MCM9: variants seen among roughly 807,000 people sequenced by gnomAD.
MCM9 encodes the protein minichromosome maintenance 9 homologous recombination repair factor, also known as DNA helicase MCM9.
A neutral mutation model predicts 72.8 loss-of-function variants in MCM9; 55 were observed. The ratio of observed to expected loss-of-function variants is 0.76; its 90% CI spans 0.61 to 0.95. The LOEUF (loss-of-function observed/expected upper bound fraction) is 0.95, where lower values mean the gene tolerates loss of function less well. Ranked by LOEUF, MCM9 falls within the 40% of genes least tolerant of loss-of-function variation. MCM9 has a pLI of 0.00. For synonymous variants in MCM9, 480 were observed against 503.4 expected (o/e 0.95, Z 0.62); for missense variants, 1,279 against 1,377.0 (o/e 0.93, Z 1.13).
intron 9 of MCM9, among the ~76,000 whole-genome samples, chr6:118,830,729 C>T (rs945301160): frequency 6.6e-5 from 10 of 152,134 alleles, no homozygotes; most frequent in Non-Finnish European, 7.3e-5. Context: ...ATTTTTAATG[C>T]TAGGTCAAAT....
At chr6:118,911,506 C>T in intron 8 of MCM9, 144 bp downstream of exon 8, 3 of 1,355,290 alleles carry the variant, frequency 2.2e-6, no homozygotes, top group East Asian at 5.4e-5. Flanking sequence ...ACCAAAATAA[C>T]ATTGCATATT....
intron 11 of MCM9, 88 bp downstream of exon 11, chr6:118,827,833 TATTCTC>T: frequency 8.3e-7 from 1 of 1,199,512 alleles, no homozygotes; most frequent in Non-Finnish European, 1.2e-6. Context: ...GAGTGGGAGT[TATTCTC>T]ATTCAACTTT....
intron 8 of MCM9, among the ~76,000 whole-genome samples, chr6:118,883,233 T>C (rs1778405914): frequency 6.6e-6 from 1 of 151,888 alleles, no homozygotes; most frequent in Non-Finnish European, 1.5e-5. Context: ...AACCTGAAAT[T>C]GCAGAAGAAA....
intron 8 of MCM9, among the ~76,000 whole-genome samples, chr6:118,868,559 C>CA (rs1328014282): frequency 6.6e-6 from 1 of 151,674 alleles, no homozygotes; most frequent in South Asian, 2.1e-4. Context: ...ACAAAGAACT[C>CA]AAACAAATTT....
chr6:118,850,389 G>C (rs147795569), intron 9 of MCM9, among the ~76,000 whole-genome samples: 6,007 of 151,632 alleles, frequency 0.04, 375 homozygotes, highest in African/African-American at 0.11. Context: ...TAATTTTGAA[G>C]AGTCATAAGT....
intron 3 of MCM9, among the ~76,000 whole-genome samples, chr6:118,927,798 A>C (rs1438054265): frequency 6.6e-6 from 1 of 152,218 alleles, no homozygotes; most frequent in Non-Finnish European, 1.5e-5. Context: ...AGCTATCTTT[A>C]ATTTGATAGT....
chr6:118,903,903 C>T (rs1779987040), intron 8 of MCM9, among the ~76,000 whole-genome samples: 1 of 152,114 alleles, frequency 6.6e-6, no homozygotes, highest in African/African-American at 2.4e-5. Context: ...AAGATTATCA[C>T]CACGTTTTAA....
chr6:118,876,760 A>C (rs1428779944), intron 8 of MCM9, among the ~76,000 whole-genome samples: 1 of 152,240 alleles, frequency 6.6e-6, no homozygotes, highest in Non-Finnish European at 1.5e-5. Context: ...CTGATAAAGG[A>C]CTTGTACACA....
At chr6:118,861,216 T>A (rs575315955) in intron 8 of MCM9, among the ~76,000 whole-genome samples, 52 of 152,212 alleles carry the variant, frequency 3.4e-4, no homozygotes, top group African/African-American at 1.2e-3. Flanking sequence ...GGCACCAGCA[T>A]CTGAACAAAG....
chr6:118,834,406 T>C (rs983187809), intron 9 of MCM9, among the ~76,000 whole-genome samples: 1 of 152,144 alleles, frequency 6.6e-6, no homozygotes, highest in African/African-American at 2.4e-5. Context: ...AAATGGTATG[T>C]CGGTTATAGA....
chr6:118,897,339 G>C (rs561664558), intron 8 of MCM9, among the ~76,000 whole-genome samples: 1 of 151,994 alleles, frequency 6.6e-6, no homozygotes, highest in African/African-American at 2.4e-5. Flanking sequence ...TTCTAATATA[G>C]GGCTTATATC....
rs1489486050 is a variant in MCM9, at chr6:118,815,927, A to G, written c.2329T>C (p.Ser777Pro). 96 of 1,548,720 alleles carry G rather than the reference A, an allele frequency of 6.2e-5. No homozygotes were observed. The highest frequency in any genetic ancestry group is 8.0e-5 in the Non-Finnish European group (92 of 1,146,948). The change falls in exon 14 of 14, where the codon TCT (serine) becomes CCT (proline). Residue 777 changes from serine (S) to proline (P), a missense_variant. Physicochemically the swap from Ser to Pro is moderately conservative, Grantham distance 74. Coordinates refer to ENST00000619706, the MANE Select transcript of MCM9 (RefSeq NM_017696.3). The stretch of plus-strand genomic sequence containing the variant: ...TCCTTACCCTGAGATGTGCTGTTAG[A>G]GATCTTCGAAGCCATATTTTCTCCA... The part of the protein sequence containing the change: ...TSGENMASKI[S>P]NSTSQGKEKS...
At chr6:118,865,408 A>G (rs1184808558) in intron 8 of MCM9, among the ~76,000 whole-genome samples, 1 of 152,190 alleles carries the variant, frequency 6.6e-6, no homozygotes, top group African/African-American at 2.4e-5. Context: ...AGCAGAAGAT[A>G]GTAGGCATAT....
chr6:118,875,470 C>T (rs1777875588), intron 8 of MCM9, among the ~76,000 whole-genome samples: 1 of 151,802 alleles, frequency 6.6e-6, no homozygotes, highest in Admixed American at 6.6e-5. Flanking sequence ...GACCCTGTCT[C>T]TACAAAATAC....
At chr6:118,925,142 G>A (rs1376977866) in intron 3 of MCM9, among the ~76,000 whole-genome samples, 2 of 152,020 alleles carry the variant, frequency 1.3e-5, no homozygotes, top group Non-Finnish European at 2.9e-5. Context: ...AATCTTATGT[G>A]GAAATTCCCT....
chr6:118,828,184 T>C, intron 10 of MCM9, 54 bp from the exon 11 acceptor site: 1 of 1,344,926 alleles, frequency 7.4e-7, no homozygotes, highest in South Asian at 1.4e-5. Context: ...AAACATCTCA[T>C]TTTAAGGATT....
At position 118,924,036 on chromosome 6, in the gene MCM9, T is replaced by G; in HGVS notation, c.396A>C (p.Arg132=). 1.9e-6 allele frequency: 3 copies of G among 1,614,174 alleles called. No individual in the cohort carries two copies. Among genetic ancestry groups the G allele is most frequent in the Non-Finnish European group, 2.5e-6 (3 of 1,180,032 alleles). Reference sequence around the variant, plus strand: ...ACTCCAGAACCTTCACCAGACTTGTTCGAATCACTGTCCCAGTGACAGATA... The same window carrying G: ...ACTCCAGAACCTTCACCAGACTTGTGCGAATCACTGTCCCAGTGACAGATA... ...HFLSVTGTVI[R]TSLVKVLEFE... is the part of the protein sequence containing the mutation. Residue 132 remains arginine, a synonymous_variant, in exon 4 of 14, where the codon CGA becomes CGC. Transcript: ENST00000619706.
intron 9 of MCM9, among the ~76,000 whole-genome samples, chr6:118,836,157 T>C (rs1008506848): frequency 9.2e-5 from 14 of 152,202 alleles, no homozygotes; most frequent in African/African-American, 1.7e-4. Context: ...CGTTTATTGA[T>C]TTGCATATGT....
At chr6:118,904,995 G>A (rs1299000115) in intron 8 of MCM9, among the ~76,000 whole-genome samples, 2 of 152,102 alleles carry the variant, frequency 1.3e-5, no homozygotes, top group African/African-American at 4.8e-5. Flanking sequence ...CCGCCACCAT[G>A]CCCAGCTAAT....
Sources: gnomAD v4.1 joint callset for allele counts (sites outside exome capture counted in the v4.1 genomes callset) on GRCh38, gnomAD v4.1.1 for gene constraint, MANE v1.5 for transcripts, NCBI Gene and HGNC (gene_info 2026-07-23, HGNC 2026-07-21) for gene names.